The following CEP41 variants were observed in gnomAD, a reference collection of about 807,000 sequenced individuals.
CEP41 encodes the protein centrosomal protein of 41 kDa.
Under a neutral mutation model 44.3 loss-of-function variants are expected in CEP41, and 32 were observed. The ratio of observed to expected loss-of-function variants is 0.72; its 90% CI spans 0.54 to 0.97. The LOEUF (loss-of-function observed/expected upper bound fraction) is 0.97, where lower values mean the gene tolerates loss of function less well. Among genes scored for constraint, CEP41 ranks in the 50% least tolerant of loss-of-function variants. The probability of loss-of-function intolerance (pLI) is 0.00; values close to 1 mark genes in which losing one functional copy is unlikely to be tolerated. For missense variants in CEP41, 432 were observed against 455.2 expected (o/e 0.95, Z 0.46); for synonymous variants, 151 against 168.5 (o/e 0.90, Z 0.80).
At chr7:130,421,272 A>C (rs1554422145) in intron 2 of CEP41, 1 of 985,326 alleles carries the variant, frequency 1.0e-6, no homozygotes, top group Non-Finnish European at 1.2e-6. Context: ...GCAGTAATCT[A>C]AAGTAGATGA....
At chr7:130,408,045 A>G (rs1389807617) in intron 5 of CEP41, among the ~76,000 whole-genome samples, 2 of 152,210 alleles carry the variant, frequency 1.3e-5, no homozygotes, top group African/African-American at 4.8e-5. Context: ...AATCGTTAAC[A>G]TGGAAAGGAA....
Position 130,394,950 on chromosome 7 carries a change from C to A in CEP41, c.*3941G>T. On this transcript the variant is annotated 3_prime_UTR_variant, in exon 11 of 11. Coordinates refer to ENST00000223208, the MANE Select transcript of CEP41 (RefSeq NM_018718.3). The stretch of plus-strand genomic sequence containing the variant: ...TTACCAGGTGCTTCAGGATGTTACA[C>A]AGGTGAGAATTTGCTTCTGTACAGA... 1 of 454,074 alleles carries A rather than the reference C, an allele frequency of 2.2e-6. No homozygotes were observed. The highest frequency in any genetic ancestry group is 4.4e-6 in the Non-Finnish European group (1 of 226,788). 28.1% of individuals were successfully genotyped at this position (454,074 alleles called of 1,614,324 possible). A position where few individuals can be genotyped will look rare whatever the true frequency, so the allele number is the denominator to read the frequency against.
At chr7:130,403,096 C>T (rs895534820) in intron 6 of CEP41, among the ~76,000 whole-genome samples, 1 of 152,116 alleles carries the variant, frequency 6.6e-6, no homozygotes, top group Non-Finnish European at 1.5e-5. Flanking sequence ...CACATGCTGC[C>T]TCTAGCCACA....
chr7:130,427,555 T>C (rs1471097737), intron 2 of CEP41, among the ~76,000 whole-genome samples: 1 of 152,212 alleles, frequency 6.6e-6, no homozygotes, highest in African/African-American at 2.4e-5. Context: ...GGTCAGCACT[T>C]TGCAAACACT....
intron 2 of CEP41, among the ~76,000 whole-genome samples, chr7:130,422,863 G>A (rs1554422537): frequency 6.6e-6 from 1 of 152,158 alleles, no homozygotes; most frequent in Non-Finnish European, 1.5e-5. Context: ...GAAAACCCTC[G>A]ATAACCCACA....
At chr7:130,399,382 C>T (rs1394779009) in intron 10 of CEP41, 2 of 334,318 alleles carry the variant, frequency 6.0e-6, no homozygotes, top group South Asian at 6.6e-5. Context: ...TACGGTGAAA[C>T]TAAGGTAGGA....
intron 8 of CEP41, among the ~76,000 whole-genome samples, chr7:130,401,586 C>T (rs1217789508): frequency 6.6e-6 from 1 of 151,768 alleles, no homozygotes. Flanking sequence ...TAGAAAAAAA[C>T]CCTAAGTTCT....
intron 3 of CEP41, among the ~76,000 whole-genome samples, chr7:130,412,922 T>G (rs1797226193): frequency 6.6e-6 from 1 of 152,240 alleles, no homozygotes; most frequent in African/African-American, 2.4e-5. Context: ...ATGAAAATAC[T>G]TAATGCCACT....
intron 5 of CEP41, among the ~76,000 whole-genome samples, chr7:130,410,140 C>T (rs954583841): frequency 6.6e-6 from 1 of 151,514 alleles, no homozygotes; most frequent in Non-Finnish European, 1.5e-5. Flanking sequence ...ATTCTCCTGC[C>T]TCAGCCTCCT....
At position 130,394,419 on chromosome 7, in the gene CEP41, C is replaced by A. The variant is rs566536736; in HGVS notation, c.*4472G>T. ...AAAGTAAGCTCTCCACAAACATTGG[C>A]TAGTATTATTATTTTCTGGAAATCT... On this transcript the variant is annotated 3_prime_UTR_variant, in exon 11 of 11. Coordinates refer to ENST00000223208, the MANE Select transcript of CEP41 (RefSeq NM_018718.3). The A allele has an allele frequency of 4.0e-5, 18 of 453,898 alleles. No homozygotes were observed. Among genetic ancestry groups the A allele is most frequent in the African/African-American group, 3.6e-4 (18 of 49,942 alleles). 28.1% of individuals were successfully genotyped at this position (453,898 alleles called of 1,614,324 possible).
At chr7:130,413,055 G>A (rs1797230920) in intron 3 of CEP41, among the ~76,000 whole-genome samples, 2 of 150,718 alleles carry the variant, frequency 1.3e-5, no homozygotes. Context: ...GCAGTGGTGT[G>A]ATCTCGGCTC....
intron 2 of CEP41, among the ~76,000 whole-genome samples, chr7:130,425,558 G>A: frequency 6.6e-6 from 1 of 152,216 alleles, no homozygotes; most frequent in East Asian, 1.9e-4. Context: ...TGGTGGGAAT[G>A]TAAAATGGTA....
At chr7:130,403,259 G>A (rs541157832) in intron 6 of CEP41, among the ~76,000 whole-genome samples, 17 of 152,314 alleles carry the variant, frequency 1.1e-4, no homozygotes, top group African/African-American at 3.1e-4. Context: ...TTTCATATAC[G>A]TAGTCAGTGA....
chr7:130,414,090 C>T (rs1448195476), intron 3 of CEP41, among the ~76,000 whole-genome samples: 2 of 152,104 alleles, frequency 1.3e-5, no homozygotes, highest in South Asian at 4.2e-4. Flanking sequence ...GACTCAGAGT[C>T]GGGAAATGAT....
chr7:130,400,853 A>C (rs1267822385), intron 8 of CEP41, 32 bp from the exon 9 acceptor site: 23 of 1,402,882 alleles, frequency 1.6e-5, no homozygotes, highest in Non-Finnish European at 2.2e-5. Context: ...GTTCCAAGGC[A>C]CTGGGCTGAT....
intron 4 of CEP41, chr7:130,411,967 T>C (rs1374778774): frequency 5.9e-6 from 3 of 511,742 alleles, no homozygotes; most frequent in Non-Finnish European, 1.1e-5. Flanking sequence ...ACATTTACTT[T>C]ATAGAATTCT....
intron 1 of CEP41, among the ~76,000 whole-genome samples, chr7:130,428,917 AT>A (rs529728195): frequency 0.022 from 3,265 of 149,804 alleles, 41 homozygotes; most frequent in Non-Finnish European, 0.032. Context: ...TCTCAAAAAA[AT>A]AAATAAATAA....
At chr7:130,413,846 A>C (rs2117615109) in intron 3 of CEP41, among the ~76,000 whole-genome samples, 1 of 152,280 alleles carries the variant, frequency 6.6e-6, no homozygotes, top group South Asian at 2.1e-4. Flanking sequence ...GCCCGCCCTC[A>C]TGCTTTCCTC....
At chr7:130,421,369 T>G (rs1021486979) in intron 2 of CEP41, 131 of 985,358 alleles carry the variant, frequency 1.3e-4, no homozygotes, top group Non-Finnish European at 1.5e-4. Context: ...GGAGAAGTTC[T>G]CTTGGCTTGG....
Sources: gnomAD v4.1 joint callset for allele counts (sites outside exome capture counted in the v4.1 genomes callset) on GRCh38, gnomAD v4.1.1 for gene constraint, MANE v1.5 for transcripts, NCBI Gene and HGNC (gene_info 2026-07-23, HGNC 2026-07-21) for gene names.